The following PLEKHG1 variants were observed in gnomAD, a reference collection of about 807,000 sequenced individuals.
PLEKHG1 encodes pleckstrin homology domain-containing family G member 1.
In PLEKHG1, 44 loss-of-function variants were observed where a neutral mutation model predicts 100.8. The ratio of observed to expected loss-of-function variants is 0.44; its 90% CI spans 0.34 to 0.56. The LOEUF is 0.56. Ranked by LOEUF, PLEKHG1 falls within the 20% of genes least tolerant of loss-of-function variation. The probability of loss-of-function intolerance (pLI) is 0.01; values close to 1 mark genes in which losing one functional copy is unlikely to be tolerated. For synonymous variants in PLEKHG1, 640 were observed against 662.5 expected, an observed-to-expected ratio of 0.97 and a Z score of 0.52; for missense variants, 1,545 against 1,720.9, an observed-to-expected ratio of 0.90 and a Z score of 1.81.
At chr6:150,832,326 A>C (rs947063977) in intron 15 of PLEKHG1, 121 bp downstream of exon 16, 21 of 765,406 alleles carry the variant, frequency 2.7e-5, no homozygotes, top group Middle Eastern at 3.8e-4. Context: ...TTGTCATCTC[A>C]AAGTAAGACC....
At chr6:150,751,443 G>A (rs927785157) in intron 2 of PLEKHG1, among the ~76,000 whole-genome samples, 1 of 152,144 alleles carries the variant, frequency 6.6e-6, no homozygotes, top group Non-Finnish European at 1.5e-5. Flanking sequence ...TCTAATTCAA[G>A]AAGCATAAGT....
At chr6:150,644,334 G>GTTTTGTTTTTTTTTTTTTTTTTTTTT (rs1554255839) in intron 2 of PLEKHG1, among the ~76,000 whole-genome samples, 1 of 117,622 alleles carries the variant, frequency 8.5e-6, no homozygotes, top group African/African-American at 3.5e-5. Flanking sequence ...TTCTTTTCGT[G>GTTTTGTTTTTTTTTTTTTTTTTTTTT]TTTTTTTTTT....
intron 6 of PLEKHG1, among the ~76,000 whole-genome samples, chr6:150,802,270 C>T (rs914363520): frequency 6.6e-6 from 1 of 152,046 alleles, no homozygotes; most frequent in African/African-American, 2.4e-5. Flanking sequence ...TAAATTGATC[C>T]GTATGACCTC....
chr6:150,661,566 C>T (rs1176529814), intron 3 of PLEKHG1, among the ~76,000 whole-genome samples: 1 of 152,190 alleles, frequency 6.6e-6, no homozygotes, highest in African/African-American at 2.4e-5. Context: ...CATCTGGGGG[C>T]CAGTTCCCAT....
chr6:150,759,541 G>A (rs1169453817), intron 2 of PLEKHG1, among the ~76,000 whole-genome samples: 1 of 152,182 alleles, frequency 6.6e-6, no homozygotes, highest in Non-Finnish European at 1.5e-5. Context: ...GTTTGAGCAT[G>A]GCTTGAGGCA....
chr6:150,661,323 A>G (rs551283259), intron 3 of PLEKHG1, among the ~76,000 whole-genome samples: 9 of 152,368 alleles, frequency 5.9e-5, no homozygotes, highest in African/African-American at 2.2e-4. Flanking sequence ...AGGATTTTTT[A>G]TAGAGAAAGA....
intron 4 of PLEKHG1, among the ~76,000 whole-genome samples, chr6:150,787,829 T>A (rs1290406345): frequency 6.6e-6 from 1 of 152,194 alleles, no homozygotes; most frequent in African/African-American, 2.4e-5. Flanking sequence ...TGTGTTCACA[T>A]GTAAAGTGTG....
At chr6:150,840,949 T>G in exon 16 of PLEKHG1, 1 of 1,336,338 alleles carries the variant, frequency 7.5e-7, no homozygotes, top group South Asian at 1.2e-5. Flanking sequence ...CATAAAACGT[T>G]ACAGATACTG....
intron 3 of PLEKHG1, among the ~76,000 whole-genome samples, chr6:150,715,116 T>C (rs762818781): frequency 4.9e-4 from 75 of 152,160 alleles, no homozygotes; most frequent in Non-Finnish European, 6.8e-4. Context: ...AGGTATTTTT[T>C]AAATTTGTGA....
chr6:150,766,051 A>T lies in PLEKHG1; in HGVS notation c.412-2587A>T, dbSNP rs1160034037. On this transcript the variant is annotated intron_variant, in intron 2 of 15. Coordinates refer to ENST00000358517, the Ensembl canonical transcript of PLEKHG1. ...AATTAGAGGAGGCTGCTCGTGTGCA[A>T]ATCTTATAATGGTAGAGATCTTAAG... Among the ~76,000 whole-genome samples the T allele has an allele frequency of 2.6e-5, 4 of 152,326 alleles. No individual in the cohort carries two copies. In the East Asian group the frequency reaches 7.7e-4, roughly 29 times the overall value.
chr6:150,712,600 C>G (rs1461019967), intron 3 of PLEKHG1, among the ~76,000 whole-genome samples: 4 of 152,162 alleles, frequency 2.6e-5, no homozygotes, highest in Non-Finnish European at 5.9e-5. Context: ...TGACCTAATT[C>G]CCATTCAACC....
At chr6:150,762,889 A>G (rs1017798220) in intron 2 of PLEKHG1, among the ~76,000 whole-genome samples, 1 of 152,088 alleles carries the variant, frequency 6.6e-6, no homozygotes, top group African/African-American at 2.4e-5. Flanking sequence ...GGCTTCTTTC[A>G]TTTGCAGTGT....
intron 3 of PLEKHG1, among the ~76,000 whole-genome samples, chr6:150,772,524 C>A (rs1784761175): frequency 6.6e-6 from 1 of 152,074 alleles, no homozygotes; most frequent in Non-Finnish European, 1.5e-5. Flanking sequence ...GAGACTGAGA[C>A]AGGAGGATCG....
At chr6:150,702,557 G>GGT (rs56768740) in intron 3 of PLEKHG1, among the ~76,000 whole-genome samples, 5,938 of 142,786 alleles carry the variant, frequency 0.042, 184 homozygotes, top group Admixed American at 0.1. Context: ...TTTGTTTTGG[G>GGT]GTGTGTGTGT....
Position 150,637,780 on chromosome 6 carries a change from T to C in PLEKHG1, c.-203-300T>C, listed in dbSNP as rs79083277. On this transcript the variant is annotated intron_variant, in intron 1 of 3. Transcript: ENST00000367326. ...ATCTTTTTGTCATCGGTCCTTTTAT[T>C]TTTGAGCTTTACTATCTGAAGTCTT... is the stretch of plus-strand genomic sequence containing the variant. 4.5e-3 allele frequency among the ~76,000 whole-genome samples: 685 copies of C among 152,322 alleles called. 5 individuals are homozygous for C. Among genetic ancestry groups the C allele is most frequent in the African/African-American group, 0.016 (651 of 41,574 alleles).
At chr6:150,771,927 G>T (rs761234302) in intron 3 of PLEKHG1, among the ~76,000 whole-genome samples, 1 of 152,108 alleles carries the variant, frequency 6.6e-6, no homozygotes, top group Non-Finnish European at 1.5e-5. Flanking sequence ...GTCAGGCGTG[G>T]CTCATGGGAG....
chr6:150,829,692 A>G (rs1412749229), intron 14 of PLEKHG1, among the ~76,000 whole-genome samples: 6 of 152,218 alleles, frequency 3.9e-5, no homozygotes, highest in Admixed American at 3.9e-4. Flanking sequence ...AGGCAACTAA[A>G]TGTTAATTAA....
chr6:150,701,997 A>G (rs1001946854), intron 3 of PLEKHG1, among the ~76,000 whole-genome samples: 3 of 152,210 alleles, frequency 2.0e-5, no homozygotes, highest in African/African-American at 7.2e-5. Flanking sequence ...AAAATCTATG[A>G]TCATACAGTA....
intron 1 of PLEKHG1, among the ~76,000 whole-genome samples, chr6:150,608,545 T>C (rs919088781): frequency 1.3e-5 from 2 of 152,260 alleles, no homozygotes; most frequent in African/African-American, 4.8e-5. Flanking sequence ...TTTGGATTAC[T>C]AATATATGCA....
Sources: allele counts gnomAD v4.1 joint callset (sites outside exome capture counted in the v4.1 genomes callset), GRCh38; gene constraint gnomAD v4.1.1; transcripts MANE v1.5; gene names NCBI Gene and HGNC (gene_info 2026-07-23, HGNC 2026-07-21).